Variants in CC2D2A observed in about 807,000 individuals in gnomAD.
CC2D2A encodes the protein coiled-coil and C2 domain-containing protein 2A.
In CC2D2A, 155 loss-of-function variants were observed where a neutral mutation model predicts 212.9. The observed-to-expected ratio is 0.73, with a 90% CI of 0.64 to 0.83. The LOEUF is 0.83. Among genes scored for constraint, CC2D2A ranks in the 40% least tolerant of loss-of-function variants. The probability of loss-of-function intolerance (pLI) is 0.00; values close to 1 mark genes in which losing one functional copy is unlikely to be tolerated. For synonymous variants in CC2D2A, 667 were observed against 686.5 expected, an observed-to-expected ratio of 0.97 and a Z score of 0.44; for missense variants, 1,856 against 1,956.2, an observed-to-expected ratio of 0.95 and a Z score of 0.97.
rs1255132399 is a variant in CC2D2A, at chr4:15,528,870, TTAACACAG to T, written c.1466+147_1466+154del. ...AAAACAATCAAATACATCTATCATA[TTAACACAG>T]TATTTGAAGTCCAATAATGTGAATG... On this transcript the variant is annotated intron_variant, in intron 13 of 36. Transcript: ENST00000424120. The T allele has an allele frequency of 1.2e-5, 7 of 601,014 alleles. No homozygotes were observed. In the African/African-American group the frequency reaches 1.3e-4, roughly 11 times the overall value. 37.2% of individuals were successfully genotyped at this position (601,014 alleles called of 1,614,324 possible). A position where few individuals can be genotyped will look rare whatever the true frequency, so the allele number is the denominator to read the frequency against.
intron 28 of CC2D2A, among the ~76,000 whole-genome samples, chr4:15,571,003 G>T (rs915555921): frequency 6.6e-6 from 1 of 152,144 alleles, no homozygotes; most frequent in Non-Finnish European, 1.5e-5. Context: ...AACCTCTAAA[G>T]CCATTGATCT....
chr4:15,567,607 C>T (rs1719946691), intron 25 of CC2D2A, 70 bp from the exon 26 acceptor site: 3 of 1,314,770 alleles, frequency 2.3e-6, no homozygotes, highest in Non-Finnish European at 3.2e-6. Context: ...AGTAAATATA[C>T]TCTATTTTTG....
chr4:15,597,453 A>G lies in CC2D2A; in HGVS notation c.4484A>G (p.Glu1495Gly), dbSNP rs1287686817. ...CGCTCAGACAAAGCAGCTGCAGCTG[A>G]GCTACAAGACAGGTAACATAACATC... ...YQRSDKAAAAELQDRIEKILK... is the reference protein window; with the variant it reads ...YQRSDKAAAAGLQDRIEKILK... The change falls in exon 35 of 37, where the codon GAG becomes GGG. Residue 1495 changes from glutamate (E) to glycine (G), a missense_variant. Physicochemically the swap from Glu to Gly is moderately conservative, Grantham distance 98. Around this residue, in one of 5 missense-constraint regions of CC2D2A, gnomAD observed 285 missense variants for 278.4 expected, o/e 1.02. Transcript: ENST00000424120. 6 of 1,553,590 alleles carry G rather than the reference A, an allele frequency of 3.9e-6. No individual in the cohort carries two copies. The Admixed American group carries it at 1.2e-4, about 30-fold the overall frequency.
chr4:15,517,108 C>T (rs919282571), intron 11 of CC2D2A, among the ~76,000 whole-genome samples: 19 of 151,802 alleles, frequency 1.3e-4, no homozygotes, highest in African/African-American at 2.7e-4. Flanking sequence ...CCACCTCGCC[C>T]GGCTAATTTT....
At chr4:15,571,007 T>C (rs1449150245) in intron 28 of CC2D2A, among the ~76,000 whole-genome samples, 2 of 152,358 alleles carry the variant, frequency 1.3e-5, no homozygotes, top group East Asian at 1.9e-4. Context: ...TCTAAAGCCA[T>C]TGATCTTCTG....
intron 32 of CC2D2A, among the ~76,000 whole-genome samples, chr4:15,589,242 A>G (rs1720984583): frequency 6.6e-6 from 1 of 152,204 alleles, no homozygotes; most frequent in South Asian, 2.1e-4. Context: ...AACGCCAGTG[A>G]CTGCTTATTT....
intron 4 of CC2D2A, among the ~76,000 whole-genome samples, chr4:15,495,757 G>A (rs1004207620): frequency 5.3e-5 from 8 of 152,170 alleles, no homozygotes; most frequent in Non-Finnish European, 7.3e-5. Context: ...CCAGTAATGG[G>A]ATTACTGGGC....
At position 15,480,430 on chromosome 4, in the gene CC2D2A, T is replaced by G. The variant is rs563910806; in HGVS notation, c.124-274T>G. Among the ~76,000 whole-genome samples, 4 of 152,336 alleles carry G rather than the reference T, an allele frequency of 2.6e-5. No homozygotes were observed. In the South Asian group the frequency reaches 8.3e-4, roughly 32 times the overall value. On this transcript the variant is annotated intron_variant, in intron 3 of 36. Transcript: ENST00000424120. Reference sequence around the variant, plus strand: ...CCTGTTTCTCTTTCCTCCAAATTCCTGCAGAGCTCTACATATTTTACCTAG... The same window carrying G: ...CCTGTTTCTCTTTCCTCCAAATTCCGGCAGAGCTCTACATATTTTACCTAG...
At chr4:15,474,425 G>T (rs1209562998) in intron 1 of CC2D2A, among the ~76,000 whole-genome samples, 2 of 152,052 alleles carry the variant, frequency 1.3e-5, no homozygotes, top group Non-Finnish European at 2.9e-5. Flanking sequence ...AGAAGAGAAG[G>T]ATGGTTACCA....
chr4:15,591,512 C>T, intron 33 of CC2D2A, among the ~76,000 whole-genome samples: 1 of 152,202 alleles, frequency 6.6e-6, no homozygotes. Flanking sequence ...AGCCACCGTG[C>T]CCAGCCCCAT....
intron 28 of CC2D2A, among the ~76,000 whole-genome samples, chr4:15,573,259 C>T (rs1004982337): frequency 6.6e-6 from 1 of 152,162 alleles, no homozygotes; most frequent in East Asian, 1.9e-4. Flanking sequence ...TAAACAAGCT[C>T]GGTTATTTCA....
At chr4:15,540,804 C>T (rs1016433359) in intron 16 of CC2D2A, 33 bp from the exon 17 acceptor site, 1 of 1,566,354 alleles carries the variant, frequency 6.4e-7, no homozygotes, top group Non-Finnish European at 8.7e-7. Context: ...TAAATTATTA[C>T]TAACTCCACC....
At chr4:15,600,319 A>G (rs1411561045) in intron 36 of CC2D2A, among the ~76,000 whole-genome samples, 1 of 152,216 alleles carries the variant, frequency 6.6e-6, no homozygotes, top group African/African-American at 2.4e-5. Context: ...CTTGAGCAAT[A>G]GAGAATCTAC....
intron 6 of CC2D2A, among the ~76,000 whole-genome samples, chr4:15,509,865 G>C (rs1345548894): frequency 6.6e-6 from 1 of 152,150 alleles, no homozygotes; most frequent in Non-Finnish European, 1.5e-5. Context: ...TAACACAATG[G>C]TAAGTATTTT....
intron 11 of CC2D2A, among the ~76,000 whole-genome samples, chr4:15,520,047 G>A (rs367713560): frequency 2.4e-4 from 36 of 152,116 alleles, no homozygotes; most frequent in African/African-American, 5.6e-4. Context: ...AGGCCCAGGC[G>A]GATTCTGAGT....
rs377746904 is a variant in CC2D2A at position 15,550,264 on chromosome 4, CT to C, written c.2182-559del. On this transcript the variant is annotated intron_variant, in intron 17 of 36. Coordinates refer to ENST00000424120, the MANE Select transcript of CC2D2A (RefSeq NM_001378615.1). ...CTGCTGATGGTCTAATTGGCTCCAT[CT>C]AGGAGAAGATCTGAGAAAAATCTGG... Among the ~76,000 whole-genome samples, 497 of 152,310 alleles carry C rather than the reference CT, an allele frequency of 3.3e-3. 2 individuals carry two copies. Among genetic ancestry groups the C allele is most frequent in the South Asian group, 5.4e-3 (26 of 4,824 alleles).
intron 4 of CC2D2A, among the ~76,000 whole-genome samples, chr4:15,489,113 T>G (rs1715163703): frequency 6.6e-6 from 1 of 152,246 alleles, no homozygotes; most frequent in Non-Finnish European, 1.5e-5. Context: ...CATGTTAGTT[T>G]CTCTGATTAA....
intron 33 of CC2D2A, among the ~76,000 whole-genome samples, chr4:15,595,210 C>T (rs1721268297): frequency 1.3e-5 from 2 of 152,176 alleles, no homozygotes; most frequent in Non-Finnish European, 2.9e-5. Context: ...TGAGCCTCAA[C>T]ATAGTAGGTA....
intron 4 of CC2D2A, 74 bp downstream of exon 4, chr4:15,480,901 A>AT: frequency 6.6e-7 from 1 of 1,518,492 alleles, no homozygotes; most frequent in Non-Finnish European, 8.9e-7. Flanking sequence ...CAGTATAGGG[A>AT]TTTTTTATGG....
Sources: gnomAD v4.1 joint callset for allele counts (sites outside exome capture counted in the v4.1 genomes callset) on GRCh38, gnomAD v4.1.1 for gene constraint, gnomAD v4.1.1 regional missense constraint, MANE v1.5 for transcripts, NCBI Gene and HGNC (gene_info 2026-07-23, HGNC 2026-07-21) for gene names.